The following PLCG2 variants were observed in gnomAD, a reference collection of about 807,000 sequenced individuals.
PLCG2 encodes 1-phosphatidylinositol 4,5-bisphosphate phosphodiesterase gamma-2.
PLCG2 carries 69 observed loss-of-function variants against 175.6 expected under a neutral mutation model. That is an observed-to-expected ratio of 0.39 (90% CI 0.32 to 0.48). The LOEUF is 0.48. PLCG2 is among the 20% of genes least tolerant of loss of function. The pLI is 0.91. For synonymous variants in PLCG2, 827 were observed against 624.0 expected, an observed-to-expected ratio of 1.33 and a Z score of -4.85; for missense variants, 1,798 against 1,650.9, an observed-to-expected ratio of 1.09 and a Z score of -1.54.
intron 2 of PLCG2, among the ~76,000 whole-genome samples, chr16:81,846,685 A>G (rs1443319302): frequency 2.6e-5 from 4 of 152,198 alleles, no homozygotes; most frequent in African/African-American, 9.7e-5. Flanking sequence ...CAATATTTTC[A>G]AGATATCAGT....
chr16:81,958,769 G>A lies in PLCG2; in HGVS notation c.*771G>A, dbSNP rs748428515. On this transcript the variant is annotated 3_prime_UTR_variant, in exon 33 of 33. Coordinates refer to ENST00000564138, the MANE Select transcript of PLCG2 (RefSeq NM_002661.5). ...CTGCTGGGAGGCTCTGGCCCCACTA[G>A]TCCCTCATGGCCCTACTGAACTGGC... The A allele has an allele frequency of 1.4e-5, 3 of 220,736 alleles. No homozygotes were observed. The highest frequency in any genetic ancestry group is 2.7e-5 in the Non-Finnish European group (3 of 110,226). 13.7% of individuals were successfully genotyped at this position (220,736 alleles called of 1,614,324 possible).
chr16:81,843,260 C>T (rs982221713), intron 2 of PLCG2, among the ~76,000 whole-genome samples: 1 of 152,066 alleles, frequency 6.6e-6, no homozygotes, highest in Admixed American at 6.6e-5. Context: ...CATCATTTGC[C>T]CATCTCCTTC....
chr16:81,758,441 A>G (rs1294058863), intron 2 of PLCG2, among the ~76,000 whole-genome samples: 2 of 152,158 alleles, frequency 1.3e-5, no homozygotes, highest in Admixed American at 1.3e-4. Flanking sequence ...TGGCTATTAT[A>G]AATAATGCTG....
At chr16:81,874,965 T>C (rs1254697677) in intron 7 of PLCG2, among the ~76,000 whole-genome samples, 3 of 144,848 alleles carry the variant, frequency 2.1e-5, no homozygotes, top group Admixed American at 2.1e-4. Flanking sequence ...TTTTTTTTTT[T>C]TTTTTTTTTT....
chr16:81,924,146 G>T (rs1332243660), intron 22 of PLCG2, among the ~76,000 whole-genome samples: 1 of 152,236 alleles, frequency 6.6e-6, no homozygotes, highest in Admixed American at 6.5e-5. Flanking sequence ...ACCTGGGTAT[G>T]CTAGGGTTTA....
rs781405997 is a variant in PLCG2 at position 81,937,765 on chromosome 16, C to T, written c.3060C>T (p.Tyr1020=). Residue 1020 remains tyrosine, a synonymous_variant, in exon 28 of 33, where the codon TAC becomes TAT. Transcript: ENST00000564138. The part of the protein sequence containing the change: ...VALNFQTADK[Y]MQMNHALFSL... The stretch of plus-strand genomic sequence containing the variant: ...GTTCACTTTCCTTCCCAGATAAGTA[C>T]ATGCAGATGAATCACGCATTGTTTT... The T allele has an allele frequency of 1.2e-6, 2 of 1,613,842 alleles. No individual in the cohort carries two copies. The highest frequency in any genetic ancestry group is 1.7e-6 in the Non-Finnish European group (2 of 1,179,812).
intron 31 of PLCG2, among the ~76,000 whole-genome samples, chr16:81,955,119 A>T (rs1183961354): frequency 6.6e-6 from 1 of 152,204 alleles, no homozygotes; most frequent in African/African-American, 2.4e-5. Flanking sequence ...ATCACCAAGG[A>T]CAGCCCATTT....
At chr16:81,778,002 G>C (rs1597311649), upstream of PLCG2, among the ~76,000 whole-genome samples, 1 of 38,190 alleles carries the variant, frequency 2.6e-5, no homozygotes, top group South Asian at 1.1e-3. Flanking sequence ...GGGCAAGAGA[G>C]CAAGACTTTG....
chr16:81,910,821 C>T, intron 18 of PLCG2, 101 bp downstream of exon 18: 1 of 1,094,346 alleles, frequency 9.1e-7, no homozygotes. Context: ...TCCCCCAGGA[C>T]ACCCTCTCCC....
At position 81,940,004 on chromosome 16, in the gene PLCG2, C is replaced by G; in HGVS notation, c.3426C>G (p.Phe1142Leu). 6.2e-7 allele frequency: 1 copy of G among 1,614,068 alleles called. No homozygotes were observed. Among genetic ancestry groups the G allele is most frequent in the Non-Finnish European group, 8.5e-7 (1 of 1,179,908 alleles). Residue 1142 changes from phenylalanine to leucine, a missense_variant, in exon 30 of 33, where the codon TTC becomes TTG. Transcript: ENST00000564138. ...LRFVVYEEDM[F>L]SDPNFLAHAT... ...TTGTGGTTTATGAAGAAGATATGTT[C>G]AGCGATCCCAACTTTCTTGCTCATG...
At chr16:81,789,465 C>G (rs927609926) in intron 2 of PLCG2, among the ~76,000 whole-genome samples, 1 of 152,158 alleles carries the variant, frequency 6.6e-6, no homozygotes, top group African/African-American at 2.4e-5. Flanking sequence ...GATTTTTTAA[C>G]TTTTGTGTAG....
At chr16:81,810,092 A>G (rs1246160546) in intron 2 of PLCG2, among the ~76,000 whole-genome samples, 3 of 151,954 alleles carry the variant, frequency 2.0e-5, no homozygotes, top group Non-Finnish European at 4.4e-5. Context: ...CCTGGGTTCA[A>G]GTGATTCTCC....
rs76995312 is a variant in PLCG2 at position 81,891,288 on chromosome 16, C to A, written c.868-184C>A. 0.029 allele frequency among the ~76,000 whole-genome samples: 4,391 copies of A among 152,210 alleles called. 207 individuals are homozygous for A. Among genetic ancestry groups the A allele is most frequent in the African/African-American group, 0.1 (4,172 of 41,506 alleles). ...GTCTAGGTCCATGGAACAAATATGT[C>A]GCTGCAGCCCATTGCAGCCTGAGCC... On this transcript the variant is annotated intron_variant, in intron 10 of 32. Coordinates refer to ENST00000564138, the MANE Select transcript of PLCG2 (RefSeq NM_002661.5).
chr16:81,772,207 G>C (rs1455918027), intron 2 of PLCG2, among the ~76,000 whole-genome samples: 1 of 152,164 alleles, frequency 6.6e-6, no homozygotes, highest in East Asian at 1.9e-4. Context: ...GGGTATTTGA[G>C]ACAGAGAGCA....
chr16:81,815,916 G>T (rs1904523266), intron 2 of PLCG2, among the ~76,000 whole-genome samples: 1 of 151,542 alleles, frequency 6.6e-6, no homozygotes, highest in South Asian at 2.1e-4. Context: ...ACAAAAATTA[G>T]CCAGGCATGG....
At chr16:81,757,184 C>T (rs950474666) in intron 2 of PLCG2, among the ~76,000 whole-genome samples, 2 of 152,168 alleles carry the variant, frequency 1.3e-5, no homozygotes, top group African/African-American at 2.4e-5. Flanking sequence ...TCCACCCACT[C>T]ATCCACCCAT....
At position 81,912,682 on chromosome 16, in the gene PLCG2, C is replaced by T. The variant is rs1271283443; in HGVS notation, c.2020C>T (p.Arg674Ter). 2.5e-6 allele frequency: 4 copies of T among 1,611,712 alleles called. No homozygotes were observed. Among genetic ancestry groups the T allele is most frequent in the Non-Finnish European group, 1.7e-6 (2 of 1,179,024 alleles). ...PRDGAFLIRK[R>*]EGSDSYAITF... ...GGACGGGGCCTTCCTGATCCGGAAG[C>T]GAGAGGGGAGCGACTCCTATGCCAT... The change falls in exon 19 of 33, where the codon CGA (arginine) becomes TGA (stop). Residue 674 changes from arginine to a stop codon, truncating the protein, a stop_gained. Coordinates refer to ENST00000564138, the MANE Select transcript of PLCG2 (RefSeq NM_002661.5). LOFTEE classifies it high-confidence loss of function.
chr16:81,939,888 C>T lies in PLCG2; in HGVS notation c.3314-4C>T. On this transcript the variant is annotated splice_polypyrimidine_tract_variant and splice_region_variant and intron_variant, in intron 29 of 32. Coordinates refer to ENST00000564138, the MANE Select transcript of PLCG2 (RefSeq NM_002661.5). ...GCCTCTCATGAGCTTTGATCTCCTT[C>T]CAGATGATAATGGCCTCAGCCCTAT... 6.2e-7 allele frequency: 1 copy of T among 1,610,760 alleles called. No homozygotes were observed. The highest frequency in any genetic ancestry group is 1.3e-5 in the African/African-American group (1 of 74,998).
intron 18 of PLCG2, 45 bp downstream of exon 18, chr16:81,910,765 A>G: frequency 1.3e-6 from 2 of 1,553,574 alleles, no homozygotes; most frequent in East Asian, 4.5e-5. Flanking sequence ...TGGTCGGGTT[A>G]GCTCCACCAG....
Sources: gnomAD v4.1 joint callset for allele counts (sites outside exome capture counted in the v4.1 genomes callset) on GRCh38, gnomAD v4.1.1 for gene constraint, MANE v1.5 for transcripts, NCBI Gene and HGNC (gene_info 2026-07-23, HGNC 2026-07-21) for gene names.